NEBL: variants seen among roughly 807,000 people sequenced by gnomAD.
The protein encoded by NEBL is nebulette.
In NEBL, 122 loss-of-function variants were observed where a neutral mutation model predicts 140.2. The observed-to-expected ratio is 0.87, with a 90% CI of 0.75 to 1.01. The LOEUF (loss-of-function observed/expected upper bound fraction) is 1.01. NEBL is among the 50% of genes least tolerant of loss of function. The pLI, the probability that NEBL is intolerant of heterozygous loss-of-function variation, is 0.00. For missense variants in NEBL, 1,365 were observed against 1,231.3 expected (o/e 1.11, Z -1.62); for synonymous variants, 436 against 398.9 (o/e 1.09, Z -1.11).
intron 7 of NEBL, among the ~76,000 whole-genome samples, chr10:20,865,974 G>GT (rs905359314): frequency 1.3e-5 from 2 of 152,142 alleles, no homozygotes; most frequent in African/African-American, 4.8e-5. Flanking sequence ...TTCACCATTT[G>GT]TGAGCCAGAC....
intron 3 of NEBL, among the ~76,000 whole-genome samples, chr10:20,973,358 C>T (rs1388718731): frequency 6.6e-6 from 1 of 151,778 alleles, no homozygotes; most frequent in Non-Finnish European, 1.5e-5. Context: ...AGCAATCCTC[C>T]CACCTCAGCC....
chr10:21,271,714 C>T lies in NEBL; in HGVS notation n.183-19886G>A, dbSNP rs537177178. Among the ~76,000 whole-genome samples, 7 of 150,488 alleles carry T rather than the reference C, an allele frequency of 4.7e-5. No homozygotes were observed. The South Asian group carries it at 1.1e-3, about 23-fold the overall frequency. On this transcript the variant is annotated intron_variant and non_coding_transcript_variant, in intron 1 of 8. Transcript: ENST00000675702. ...CTGATTTTTGTATTTTTAGTAGAGA[C>T]GGGGTTTCACCATGATAGCCAGGCT... is the stretch of plus-strand genomic sequence containing the variant.
intron 4 of NEBL, among the ~76,000 whole-genome samples, chr10:20,949,404 G>A (rs1835339710): frequency 6.6e-6 from 1 of 152,132 alleles, no homozygotes; most frequent in African/African-American, 2.4e-5. Context: ...CATGGCACAT[G>A]TATACCTATG....
At chr10:21,160,111 C>T (rs1279764485) in intron 2 of NEBL, among the ~76,000 whole-genome samples, 1 of 152,138 alleles carries the variant, frequency 6.6e-6, no homozygotes, top group African/African-American at 2.4e-5. Context: ...TGCTGTCTCC[C>T]ATTCAGAGTA....
chr10:20,790,609 A>AAAAAC (rs1835871664), intron 26 of NEBL, among the ~76,000 whole-genome samples: 1 of 151,788 alleles, frequency 6.6e-6, no homozygotes. Context: ...TCAAAAAAAA[A>AAAAAC]AAAACAAAAC....
At chr10:21,267,546 A>T (rs1842811256) in intron 1 of NEBL, among the ~76,000 whole-genome samples, 1 of 152,182 alleles carries the variant, frequency 6.6e-6, no homozygotes, top group South Asian at 2.1e-4. Context: ...CCTTTATGCA[A>T]ACTGGAGATG....
chr10:21,146,604 C>A (rs1256394701), intron 2 of NEBL: 4 of 871,118 alleles, frequency 4.6e-6, no homozygotes, highest in Non-Finnish European at 7.2e-6. Flanking sequence ...CTCTTAGCAA[C>A]CGTTGCTTAG....
chr10:21,208,807 G>T lies in NEBL; in HGVS notation n.349-36330C>A, dbSNP rs1048185171. On this transcript the variant is annotated intron_variant and non_coding_transcript_variant, in intron 3 of 8. Coordinates refer to the NEBL transcript ENST00000675702. ...CCTACAACCCCACTTAACTGCAGGG[G>T]CCTGGGAAAACGTAGTCCAACAGCA... Among the ~76,000 whole-genome samples, 5 of 152,244 alleles carry T rather than the reference G, an allele frequency of 3.3e-5. No individual in the cohort carries two copies. In the East Asian group the frequency reaches 5.8e-4, roughly 18 times the overall value.
At chr10:21,133,604 G>A (rs1003581267) in intron 2 of NEBL, among the ~76,000 whole-genome samples, 1 of 152,172 alleles carries the variant, frequency 6.6e-6, no homozygotes, top group Non-Finnish European at 1.5e-5. Flanking sequence ...TTATGTGAAT[G>A]AATATAAGGC....
chr10:21,251,809 G>A (rs1265510555), exon 2 of NEBL, among the ~76,000 whole-genome samples: 2 of 152,104 alleles, frequency 1.3e-5, no homozygotes, highest in African/African-American at 2.4e-5. Context: ...TCTTGATCTT[G>A]GACTTCCCAA....
intron 4 of NEBL, among the ~76,000 whole-genome samples, chr10:20,915,604 C>A (rs11012388): frequency 5.6e-4 from 85 of 151,712 alleles, no homozygotes; most frequent in African/African-American, 1.9e-3. Context: ...TTTATGGCTG[C>A]ATAGTATTCC....
intron 2 of NEBL, among the ~76,000 whole-genome samples, chr10:21,073,364 C>A (rs1451038324): frequency 6.6e-6 from 1 of 151,502 alleles, no homozygotes; most frequent in African/African-American, 2.4e-5. Context: ...TGCCTGTAAT[C>A]CCAGCACTTT....
chr10:21,121,783 G>C (rs887913700), intron 2 of NEBL, among the ~76,000 whole-genome samples: 2 of 152,146 alleles, frequency 1.3e-5, no homozygotes, highest in Non-Finnish European at 2.9e-5. Flanking sequence ...ACATTAGACA[G>C]CCTGGAGATA....
At chr10:20,812,742 A>ACCGG (rs772328843) in intron 24 of NEBL, 27 bp downstream of exon 24, 2 of 1,613,000 alleles carry the variant, frequency 1.2e-6, no homozygotes, top group Non-Finnish European at 1.7e-6. Context: ...GACCACACAC[A>ACCGG]CCGGCCGACA....
upstream of NEBL, chr10:20,899,532 A>ATT: frequency 1.4e-6 from 1 of 708,488 alleles, no homozygotes; most frequent in African/African-American, 1.9e-5. Flanking sequence ...GTGAACACAA[A>ATT]TTTTCCATTT....
intron 20 of NEBL, chr10:20,819,117 G>A (rs1318541140): frequency 5.2e-6 from 5 of 958,374 alleles, no homozygotes; most frequent in Admixed American, 8.3e-5. Flanking sequence ...TGTTACACAG[G>A]TGAACTTGTG....
intron 3 of NEBL, among the ~76,000 whole-genome samples, chr10:20,985,132 T>A (rs1837206898): frequency 2.0e-5 from 3 of 152,224 alleles, no homozygotes; most frequent in Non-Finnish European, 4.4e-5. Flanking sequence ...ACATAAAGTG[T>A]ACAATAAATG....
rs1213585856 is a variant in NEBL, at chr10:20,784,510, T to C, written c.*1237A>G. On this transcript the variant is annotated 3_prime_UTR_variant, in exon 28 of 28. Coordinates refer to ENST00000377122, the MANE Select transcript of NEBL (RefSeq NM_006393.3). Reference sequence around the variant, plus strand: ...TTTAGAAAATAAAAGCAAAAAAAAATGGAAAAGGACGTCTTTTGATTAACC... The same window carrying C: ...TTTAGAAAATAAAAGCAAAAAAAAACGGAAAAGGACGTCTTTTGATTAACC... The C allele has an allele frequency of 6.6e-6, 1 of 151,898 alleles. No homozygotes were observed. The highest frequency in any genetic ancestry group is 2.4e-5 in the African/African-American group (1 of 41,320). The allele number at this position is 151,898 out of a possible 1,614,324, so 9.4% of individuals were successfully genotyped here.
chr10:21,033,197 A>T (rs1047130151), intron 2 of NEBL, among the ~76,000 whole-genome samples: 1 of 152,176 alleles, frequency 6.6e-6, no homozygotes, highest in Admixed American at 6.5e-5. Context: ...CAAGAGAAAC[A>T]CACGCAGATT....
Sources: gnomAD v4.1 joint callset for allele counts (sites outside exome capture counted in the v4.1 genomes callset) on GRCh38, gnomAD v4.1.1 for gene constraint, MANE v1.5 for transcripts, NCBI Gene and HGNC (gene_info 2026-07-23, HGNC 2026-07-21) for gene names.